The following TTLL8 variants were observed in gnomAD, a reference collection of about 807,000 sequenced individuals.
The protein encoded by TTLL8 is protein monoglycylase TTLL8.
A neutral mutation model predicts 77.8 loss-of-function variants in TTLL8; 65 were observed. The observed-to-expected ratio is 0.84, with a 90% CI of 0.68 to 1.03. The LOEUF (loss-of-function observed/expected upper bound fraction) is 1.03, where lower values mean the gene tolerates loss of function less well. TTLL8 is among the 50% of genes least tolerant of loss of function. TTLL8 has a pLI of 0.00. For synonymous variants in TTLL8, 402 were observed against 422.8 expected (o/e 0.95, Z 0.60); for missense variants, 910 against 1,004.5 (o/e 0.91, Z 1.27).
chr22:50,047,387 T>C (rs2061419426), intron 3 of TTLL8, 91 bp from the exon 6 acceptor site: 14 of 1,125,866 alleles, frequency 1.2e-5, no homozygotes, highest in Non-Finnish European at 1.7e-5. Flanking sequence ...AGAGGACAAA[T>C]GGCGTGCAGC....
At position 50,033,217 on chromosome 22, in the gene TTLL8, AG is replaced by A; in HGVS notation, c.1267del (p.Leu423TrpfsTer19). 1 of 1,352,052 alleles carries A rather than the reference AG, an allele frequency of 7.4e-7. No homozygotes were observed. The highest frequency in any genetic ancestry group is 9.9e-7 in the Non-Finnish European group (1 of 1,014,678). The allele number at this position is 1,352,052 out of a possible 1,614,324, so 83.8% of individuals were successfully genotyped here. A position where few individuals can be genotyped will look rare whatever the true frequency, so the allele number is the denominator to read the frequency against. ...CCGCACTGACCTGTCCAGCTTGTCC[AG>A]GGAGAAGCGCTGAGTTGAGAACCGC... On this transcript the variant is annotated frameshift_variant, in exon 10 of 14. Transcript: ENST00000266182. LOFTEE classifies it high-confidence loss of function.
intron 12 of TTLL8, among the ~76,000 whole-genome samples, chr22:50,020,235 TACTCCTCCATCTGACATGC>T (rs2061186458): frequency 6.8e-6 from 1 of 146,618 alleles, no homozygotes; most frequent in African/African-American, 2.6e-5. Flanking sequence ...ATCTGACATG[TACTCCTCCATCTGACATGC>T]ACTCCTCCAT....
At chr22:50,021,875 T>A (rs2061203390) in intron 12 of TTLL8, among the ~76,000 whole-genome samples, 1 of 141,332 alleles carries the variant, frequency 7.1e-6, no homozygotes, top group Admixed American at 7.0e-5. Flanking sequence ...TCTGATGACA[T>A]GCACTTCTCC....
chr22:50,045,064 CT>C, intron 6 of TTLL8, 190 bp downstream of exon 8: 2 of 423,034 alleles, frequency 4.7e-6, no homozygotes, highest in Non-Finnish European at 6.3e-6. Flanking sequence ...AACGGGGTGA[CT>C]TTGACGTTTA....
chr22:50,038,822 A>T (rs752897560), intron 8 of TTLL8, among the ~76,000 whole-genome samples: 1 of 152,218 alleles, frequency 6.6e-6, no homozygotes, highest in Non-Finnish European at 1.5e-5. Context: ...TCAAAAAAAA[A>T]AAAGAAGAGT....
chr22:50,027,845 G>C lies in TTLL8; in HGVS notation c.2203+2585C>G, dbSNP rs950871107. 7 of 977,216 alleles carry C rather than the reference G, an allele frequency of 7.2e-6. No homozygotes were observed. The Admixed American group carries it at 2.5e-4, about 34-fold the overall frequency. 60.5% of individuals were successfully genotyped at this position (977,216 alleles called of 1,614,324 possible). ...AGCCAGGAGTCTGGAAGCAAGCCCA[G>C]CTCCTCCCGGCCGTGCCCTCGAGGG... On this transcript the variant is annotated intron_variant, in intron 12 of 13. Transcript: ENST00000266182.
chr22:50,049,595 G>C (rs533267794), intron 2 of TTLL8, among the ~76,000 whole-genome samples: 21 of 152,300 alleles, frequency 1.4e-4, no homozygotes, highest in African/African-American at 4.6e-4. Flanking sequence ...TGGAGGCCCA[G>C]GTGTCCCCAG....
chr22:50,051,481 G>A (rs1023770385), intron 1 of TTLL8, among the ~76,000 whole-genome samples: 1 of 152,220 alleles, frequency 6.6e-6, no homozygotes, highest in Non-Finnish European at 1.5e-5. Context: ...GTTGTGAACT[G>A]AGCTGCTGCA....
Position 50,030,779 on chromosome 22 carries a change from GC to G in TTLL8, c.1853del (p.Gly618AlafsTer23). 3 of 1,347,224 alleles carry G rather than the reference GC, an allele frequency of 2.2e-6. No homozygotes were observed. The highest frequency in any genetic ancestry group is 1.2e-5 in the South Asian group (1 of 84,742). 83.5% of individuals were successfully genotyped at this position (1,347,224 alleles called of 1,614,324 possible). On this transcript the variant is annotated frameshift_variant, in exon 12 of 14. Transcript: ENST00000266182. LOFTEE classifies it high-confidence loss of function. ...GGGCAGGGTCTGGCATGGCCGAGGG[GC>G]CCCGTGCCTTCAGCGGCTGCGCGTC...
chr22:50,054,938 T>A (rs1232278477), upstream of TTLL8, among the ~76,000 whole-genome samples: 3 of 152,132 alleles, frequency 2.0e-5, no homozygotes, highest in Non-Finnish European at 4.4e-5. Flanking sequence ...CGTGCACCTG[T>A]AGTCCCAGCT....
At chr22:50,057,064 AGGTCTGGGGTTG>A (rs2061474615), upstream of TTLL8, 1 of 915,730 alleles carries the variant, frequency 1.1e-6, no homozygotes, top group Admixed American at 2.4e-5. Context: ...GCTGAGGGTC[AGGTCTGGGGTTG>A]GGGATCAGCT....
At chr22:50,022,428 AATGTGTACTCCTCCATCTGATG>A (rs1207445190) in intron 12 of TTLL8, among the ~76,000 whole-genome samples, 5 of 131,286 alleles carry the variant, frequency 3.8e-5, no homozygotes, top group African/African-American at 1.5e-4. Flanking sequence ...TCCATCTGAC[AATGTGTACTCCTCCATCTGATG>A]ATGTGTACTC....
intron 12 of TTLL8, among the ~76,000 whole-genome samples, chr22:50,021,952 C>CAAT (rs1482726159): frequency 3.7e-5 from 4 of 107,506 alleles, no homozygotes; most frequent in Admixed American, 9.5e-5. Flanking sequence ...CTCCATCTGA[C>CAAT]GTGCACTCCT....
exon 12 of TTLL8, chr22:50,030,721 A>G (rs771323772): frequency 1.5e-6 from 2 of 1,311,424 alleles, no homozygotes; most frequent in Non-Finnish European, 1.0e-6. Flanking sequence ...TTCAGTCCCA[A>G]GTCCCGCTGG....
intron 12 of TTLL8, among the ~76,000 whole-genome samples, chr22:50,024,685 G>A (rs967151615): frequency 1.1e-4 from 16 of 152,182 alleles, no homozygotes; most frequent in African/African-American, 2.9e-4. Context: ...ATCTCACTAC[G>A]TCCGAAGAAC....
At position 50,034,462 on chromosome 22, in the gene TTLL8, A is replaced by T. The variant is rs2061321901; in HGVS notation, c.922T>A (p.Cys308Ser). The change falls in exon 9 of 14, where the codon TGC becomes AGC. Residue 308 changes from cysteine to serine, a missense_variant and splice_region_variant. Cys to Ser is a moderately radical substitution (Grantham distance 112). This residue lies in a region of TTLL8 where 776 missense variants were observed against 926.1 expected (regional missense o/e 0.84). Transcript: ENST00000266182. The surrounding 1 kb of genome is among the most constrained non-coding windows in gnomAD (Gnocchi z 4.1). ...GTGATTCTATTCAGCAGAGCCTGGC[A>T]CTGCGAAAAGTAATTTCTTGAATTG... 7.3e-7 allele frequency: 1 copy of T among 1,366,774 alleles called. No homozygotes were observed. 84.7% of individuals were successfully genotyped at this position (1,366,774 alleles called of 1,614,324 possible).
chr22:50,056,790 C>G (rs2061473121), upstream of TTLL8: 3 of 1,288,686 alleles, frequency 2.3e-6, no homozygotes, highest in Non-Finnish European at 3.0e-6. The surrounding 1 kb of genome is among the most constrained non-coding windows in gnomAD (Gnocchi z 4.1). Flanking sequence ...TTCCTGGCAG[C>G]AGGCTGCAGC....
At chr22:50,036,602 CT>C (rs763378045) in intron 8 of TTLL8, among the ~76,000 whole-genome samples, 14,753 of 140,974 alleles carry the variant, frequency 0.1, 1,097 homozygotes, top group East Asian at 0.48. Flanking sequence ...CTTTTCTTTT[CT>C]TTTTTTTTTT....
At chr22:50,030,515 G>T (rs1601912657) in exon 12 of TTLL8, 1 of 1,337,720 alleles carries the variant, frequency 7.5e-7, no homozygotes, top group Non-Finnish European at 9.9e-7. Context: ...CATTTAGCTG[G>T]TTTGGATCCC....
Sources: allele counts gnomAD v4.1 joint callset (sites outside exome capture counted in the v4.1 genomes callset), GRCh38; gene constraint gnomAD v4.1.1; regional missense constraint gnomAD v4.1.1; non-coding constraint Gnocchi (gnomAD v3.1); transcripts MANE v1.5; gene names NCBI Gene and HGNC (gene_info 2026-07-23, HGNC 2026-07-21).